IARS1: variants seen among roughly 807,000 people sequenced by gnomAD.
IARS1 encodes isoleucyl-tRNA synthetase 1, also known as isoleucine--tRNA ligase, cytoplasmic.
In IARS1, 124 loss-of-function variants were observed where a neutral mutation model predicts 168.2. That is an observed-to-expected ratio of 0.74 (90% CI 0.64 to 0.86). IARS1 has a LOEUF of 0.86. IARS1 is among the 40% of genes least tolerant of loss of function. IARS1 has a pLI of 0.00. For synonymous variants in IARS1, 532 were observed against 529.4 expected (o/e 1.00, Z -0.07); for missense variants, 1,452 against 1,515.8 (o/e 0.96, Z 0.70).
Position 92,271,112 on chromosome 9 carries a change from T to C in IARS1, c.1114-36A>G, listed in dbSNP as rs763378775. 5.4e-6 allele frequency: 7 copies of C among 1,303,138 alleles called. No homozygotes were observed. The Admixed American group carries it at 9.8e-5, about 18-fold the overall frequency. 80.7% of individuals were successfully genotyped at this position (1,303,138 alleles called of 1,614,324 possible). On this transcript the variant is annotated intron_variant, in intron 11 of 33. Coordinates refer to ENST00000443024, the MANE Select transcript of IARS1 (RefSeq NM_002161.6). Reference sequence around the variant, plus strand: ...AAATTAAAATTTAGCCATTAAAACATACTATAATACTTAGGAACAATATAT... The same window carrying C: ...AAATTAAAATTTAGCCATTAAAACACACTATAATACTTAGGAACAATATAT...
intron 33 of IARS1, among the ~76,000 whole-genome samples, chr9:92,216,937 C>T (rs1838805408): frequency 6.6e-6 from 1 of 151,334 alleles, no homozygotes; most frequent in Non-Finnish European, 1.5e-5. Context: ...TAGACATCTA[C>T]AGAACTCTCC....
chr9:92,270,508 T>G (rs1832865656), intron 12 of IARS1, among the ~76,000 whole-genome samples: 1 of 152,170 alleles, frequency 6.6e-6, no homozygotes, highest in African/African-American at 2.4e-5. Context: ...CATAAAACTC[T>G]CCTAGACCAG....
chr9:92,222,598 G>A lies in IARS1; in HGVS notation c.3628C>T (p.Leu1210Phe). The change falls in exon 33 of 34, where the codon CTT (leucine) becomes TTT (phenylalanine). Residue 1210 changes from leucine (L) to phenylalanine (F), a missense_variant. Physicochemically the swap from Leu to Phe is conservative, Grantham distance 22. Transcript: ENST00000443024. ...LGQNGLTHQG[L>F]LYEAAKVFGL... ...AACACCTTGGCTGCTTCATACAGAA[G>A]ACCTTGGTGGGTGAGTCCATTCTGC... The A allele has an allele frequency of 6.2e-7, 1 of 1,614,048 alleles. No individual in the cohort carries two copies. The highest frequency in any genetic ancestry group is 8.5e-7 in the Non-Finnish European group (1 of 1,179,988).
intron 30 of IARS1, among the ~76,000 whole-genome samples, chr9:92,236,966 C>A (rs778587779): frequency 3.9e-5 from 6 of 152,212 alleles, no homozygotes; most frequent in Non-Finnish European, 5.9e-5. Flanking sequence ...ATTAGTCTCA[C>A]TAGAGGTTTA....
chr9:92,243,482 T>G (rs1361723374), intron 27 of IARS1, 171 bp from the exon 28 acceptor site: 1 of 523,714 alleles, frequency 1.9e-6, no homozygotes, highest in East Asian at 3.3e-5. Context: ...TACTTCTTCA[T>G]AATCAGCTAG....
At chr9:92,216,867 GACAGAAAGTCA>G (rs1838792470) in intron 33 of IARS1, among the ~76,000 whole-genome samples, 1 of 147,874 alleles carries the variant, frequency 6.8e-6, no homozygotes, top group Non-Finnish European at 1.5e-5. Flanking sequence ...AGATCAACGA[GACAGAAAGTCA>G]ACAAGGATAC....
At chr9:92,260,869 T>C (rs74392644) in intron 17 of IARS1, among the ~76,000 whole-genome samples, 6,489 of 152,202 alleles carry the variant, frequency 0.043, 180 homozygotes, top group South Asian at 0.081. Flanking sequence ...AATTGCCAAA[T>C]GTTAGAAGCA....
chr9:92,286,484 C>T (rs370321354), intron 5 of IARS1, 52 bp downstream of exon 5: 4 of 935,604 alleles, frequency 4.3e-6, no homozygotes, highest in Non-Finnish European at 5.0e-6. Context: ...TTCCAATTAT[C>T]AATACAACAG....
At chr9:92,283,362 T>A (rs1335410253) in intron 6 of IARS1, among the ~76,000 whole-genome samples, 1 of 152,218 alleles carries the variant, frequency 6.6e-6, no homozygotes, top group East Asian at 1.9e-4. Context: ...GTGACTCACC[T>A]GGGCGTGGTG....
chr9:92,287,773 G>GA lies in IARS1; in HGVS notation c.396+17dup. On this transcript the variant is annotated intron_variant, in intron 4 of 33. Transcript: ENST00000443024. ...AACTACATTTGCTGTTCATTCTACT[G>GA]AAAAAAACCCAACATACCTTCCACT... The GA allele has an allele frequency of 2.5e-6, 4 of 1,602,776 alleles. No individual in the cohort carries two copies. Among genetic ancestry groups the GA allele is most frequent in the African/African-American group, 1.3e-5 (1 of 74,586 alleles).
intron 27 of IARS1, among the ~76,000 whole-genome samples, chr9:92,244,661 T>A (rs571372424): frequency 6.6e-6 from 1 of 152,328 alleles, no homozygotes; most frequent in East Asian, 1.9e-4. Context: ...ACTGGCTTAA[T>A]TTCAGGTGTC....
intron 30 of IARS1, among the ~76,000 whole-genome samples, chr9:92,229,623 G>A (rs910360653): frequency 1.1e-4 from 16 of 152,076 alleles, no homozygotes; most frequent in African/African-American, 9.7e-5. Flanking sequence ...ATTCATGTAC[G>A]GATATTTACT....
chr9:92,288,708 A>G (rs532424282), intron 2 of IARS1, among the ~76,000 whole-genome samples: 4 of 152,306 alleles, frequency 2.6e-5, no homozygotes, highest in South Asian at 2.1e-4. Flanking sequence ...GTACTTAGGT[A>G]TAAGTGCCTA....
intron 18 of IARS1, among the ~76,000 whole-genome samples, chr9:92,259,597 G>C (rs963075577): frequency 2.0e-5 from 3 of 152,174 alleles, no homozygotes; most frequent in Admixed American, 1.3e-4. Flanking sequence ...AAGGTGCTGA[G>C]TCACAGGCCT....
At chr9:92,224,949 AGGAAGAATAACCACG>A (rs1048424958) in intron 31 of IARS1, among the ~76,000 whole-genome samples, 2 of 152,096 alleles carry the variant, frequency 1.3e-5, no homozygotes, top group Non-Finnish European at 2.9e-5. Flanking sequence ...CCAGACTGGG[AGGAAGAATAACCACG>A]GGCTCCACAA....
In IARS1 at chr9:92,253,459, A is replaced by C. The variant is rs369178709; in HGVS notation, c.2138-6T>G. On this transcript the variant is annotated splice_region_variant and splice_polypyrimidine_tract_variant and intron_variant, in intron 20 of 33. Transcript: ENST00000443024. ...CACAGTATAAAGCCTATAAGCTAAAAGTAAGACAAGTCAATCAGGCAGCAA... is the reference window on the plus strand; with the variant it reads ...CACAGTATAAAGCCTATAAGCTAAACGTAAGACAAGTCAATCAGGCAGCAA... 3 of 1,600,826 alleles carry C rather than the reference A, an allele frequency of 1.9e-6. No individual in the cohort carries two copies. Among genetic ancestry groups the C allele is most frequent in the African/African-American group, 2.7e-5 (2 of 74,636 alleles).
chr9:92,260,977 G>A (rs1251501400), intron 17 of IARS1, among the ~76,000 whole-genome samples: 1 of 152,084 alleles, frequency 6.6e-6, no homozygotes, highest in East Asian at 1.9e-4. Flanking sequence ...ACTATTGGTA[G>A]GTGCAGTCAT....
intron 31 of IARS1, among the ~76,000 whole-genome samples, chr9:92,228,500 C>T (rs888746321): frequency 2.0e-5 from 3 of 152,086 alleles, no homozygotes; most frequent in Admixed American, 6.5e-5. Flanking sequence ...CTGCTTAAGG[C>T]CCTGGGTTCA....
intron 16 of IARS1, among the ~76,000 whole-genome samples, chr9:92,264,571 G>A (rs1251122179): frequency 6.6e-6 from 1 of 152,046 alleles, no homozygotes; most frequent in Non-Finnish European, 1.5e-5. Flanking sequence ...CAAATTTCTA[G>A]CACCCAAACT....
Sources: allele counts gnomAD v4.1 joint callset (sites outside exome capture counted in the v4.1 genomes callset), GRCh38; gene constraint gnomAD v4.1.1; transcripts MANE v1.5; gene names NCBI Gene and HGNC (gene_info 2026-07-23, HGNC 2026-07-21).